Variants in STK32B observed in about 807,000 individuals in gnomAD.
STK32B encodes serine/threonine-protein kinase 32B.
In STK32B, 43 loss-of-function variants were observed where a neutral mutation model predicts 52.6. The observed-to-expected ratio is 0.82, with a 90% confidence interval of 0.64 to 1.05. STK32B has a LOEUF of 1.05. STK32B is among the 50% of genes least tolerant of loss of function. The pLI is 0.00. For synonymous variants in STK32B, 238 were observed against 204.3 expected (o/e 1.17, Z -1.41); for missense variants, 621 against 534.6 (o/e 1.16, Z -1.59).
Position 5,399,774 on chromosome 4 carries a change from C to T in STK32B, c.472+1530C>T, listed in dbSNP as rs191559942. 8.7e-4 allele frequency among the ~76,000 whole-genome samples: 132 copies of T among 152,218 alleles called. No homozygotes were observed. The highest frequency in any genetic ancestry group is 3.1e-3 in the South Asian group (15 of 4,822). On this transcript the variant is annotated intron_variant, in intron 5 of 11. Coordinates refer to ENST00000282908, the MANE Select transcript of STK32B (RefSeq NM_018401.3). This position sits in a 1 kb window ranked among gnomAD's most constrained non-coding sequence, Gnocchi z 5.4. ...TTGCAGGGTGGTGAATGTCTCATCT[C>T]GGGTGAGACTCGAAGGTCAGCCACC...
At chr4:5,278,356 G>T (rs898199788) in intron 3 of STK32B, among the ~76,000 whole-genome samples, 1 of 152,192 alleles carries the variant, frequency 6.6e-6, no homozygotes, top group African/African-American at 2.4e-5. Flanking sequence ...GAGCTGAGCT[G>T]GTCTCAGTTA....
chr4:5,050,081 G>T (rs766878103), upstream of STK32B, among the ~76,000 whole-genome samples: 1 of 152,132 alleles, frequency 6.6e-6, no homozygotes, highest in Admixed American at 6.5e-5. Flanking sequence ...TCCACATTCC[G>T]CCCTATGCTT....
At chr4:5,324,212 G>A (rs1218514970) in intron 3 of STK32B, among the ~76,000 whole-genome samples, 1 of 152,182 alleles carries the variant, frequency 6.6e-6, no homozygotes, top group Non-Finnish European at 1.5e-5. Flanking sequence ...AAGCTAGTCA[G>A]GTGTGGTGGC....
intron 1 of STK32B, among the ~76,000 whole-genome samples, chr4:5,097,868 T>A (rs574825636): frequency 6.6e-6 from 1 of 152,350 alleles, no homozygotes; most frequent in East Asian, 1.9e-4. Flanking sequence ...TTGCTTAATG[T>A]GTCTACAAGT....
chr4:5,208,202 C>T (rs919150220), intron 3 of STK32B, among the ~76,000 whole-genome samples: 5 of 152,202 alleles, frequency 3.3e-5, no homozygotes, highest in African/African-American at 1.2e-4. Context: ...GGAAAGGGAA[C>T]TCAGCCCAGA....
chr4:5,359,932 G>A (rs1455708729), intron 4 of STK32B, among the ~76,000 whole-genome samples: 1 of 152,230 alleles, frequency 6.6e-6, no homozygotes, highest in Non-Finnish European at 1.5e-5. Flanking sequence ...CCAGTTTTCA[G>A]CAGTGAAGAA....
intron 3 of STK32B, among the ~76,000 whole-genome samples, chr4:5,204,412 G>C (rs921870546): frequency 1.3e-4 from 20 of 151,908 alleles, no homozygotes; most frequent in African/African-American, 4.6e-4. Context: ...TTGTTTGTTT[G>C]TTTTTGTTTT....
At chr4:5,336,332 C>CATG (rs1277203016) in intron 4 of STK32B, among the ~76,000 whole-genome samples, 2 of 151,902 alleles carry the variant, frequency 1.3e-5, no homozygotes, top group South Asian at 2.1e-4. Context: ...TTATAGTAAA[C>CATG]AAGCCCTATT....
intron 3 of STK32B, among the ~76,000 whole-genome samples, chr4:5,281,708 T>A (rs1017306280): frequency 2.0e-5 from 3 of 152,226 alleles, no homozygotes; most frequent in Admixed American, 6.5e-5. Flanking sequence ...TGCACCATTG[T>A]ATTAACGCTG....
intron 3 of STK32B, among the ~76,000 whole-genome samples, chr4:5,230,797 G>C (rs1387477995): frequency 1.3e-5 from 2 of 152,134 alleles, no homozygotes; most frequent in Non-Finnish European, 2.9e-5. Flanking sequence ...CGTTACAGAG[G>C]GGAGATGAAT....
chr4:5,175,310 G>T (rs1400258082), intron 3 of STK32B, among the ~76,000 whole-genome samples: 6 of 152,158 alleles, frequency 3.9e-5, no homozygotes, highest in Non-Finnish European at 8.8e-5. Flanking sequence ...ACTCGTCAAA[G>T]TTATTCTCTG....
intron 1 of STK32B, among the ~76,000 whole-genome samples, chr4:5,113,664 T>C (rs1392712262): frequency 6.6e-6 from 1 of 152,172 alleles, no homozygotes; most frequent in Non-Finnish European, 1.5e-5. Context: ...AACTTTGCCC[T>C]CAATATAAGA....
Position 5,388,951 on chromosome 4 carries a change from C to CTGAAT in STK32B, c.435-9254_435-9250dup, listed in dbSNP as rs574763741. On this transcript the variant is annotated intron_variant, in intron 4 of 11. Coordinates refer to ENST00000282908, the MANE Select transcript of STK32B (RefSeq NM_018401.3). The stretch of plus-strand genomic sequence containing the variant: ...CCCATGGAGTGGCACAGCTTTTGAA[C>CTGAAT]TGAATTAATCATTGTCATCCAGGCT... Among the ~76,000 whole-genome samples the CTGAAT allele has an allele frequency of 1.1e-3, 173 of 152,224 alleles. 3 individuals carry two copies. The highest frequency in any genetic ancestry group is 2.7e-3 in the South Asian group (13 of 4,820).
intron 2 of STK32B, among the ~76,000 whole-genome samples, chr4:5,143,531 A>G (rs1211189322): frequency 6.6e-6 from 1 of 152,096 alleles, no homozygotes; most frequent in Non-Finnish European, 1.5e-5. Flanking sequence ...CTTGGATTGT[A>G]TGGGTGAAGA....
chr4:5,187,299 T>C (rs2108759787), intron 3 of STK32B, among the ~76,000 whole-genome samples: 1 of 152,344 alleles, frequency 6.6e-6, no homozygotes, highest in Admixed American at 6.5e-5. Context: ...GAACCAGGAC[T>C]CTCTTGGTCC....
At chr4:5,465,031 G>T (rs1717329966) in intron 9 of STK32B, among the ~76,000 whole-genome samples, 1 of 152,166 alleles carries the variant, frequency 6.6e-6, no homozygotes, top group Non-Finnish European at 1.5e-5. Flanking sequence ...ACAAAGCCCA[G>T]TGCCAGGCAG....
intron 7 of STK32B, among the ~76,000 whole-genome samples, chr4:5,449,019 G>A (rs1715731491): frequency 6.6e-6 from 1 of 152,142 alleles, no homozygotes; most frequent in Admixed American, 6.5e-5. Flanking sequence ...AGGATCCAGG[G>A]AGCTCCTTTC....
intron 3 of STK32B, among the ~76,000 whole-genome samples, chr4:5,308,063 G>T (rs541192822): frequency 2.0e-5 from 3 of 152,220 alleles, no homozygotes; most frequent in South Asian, 4.2e-4. Flanking sequence ...GAGGGTCCTC[G>T]GTTGTATTTT....
chr4:5,424,976 T>C (rs924117647), intron 6 of STK32B, among the ~76,000 whole-genome samples: 4 of 152,158 alleles, frequency 2.6e-5, no homozygotes, highest in African/African-American at 9.7e-5. Context: ...GTGGCCACAG[T>C]GGAAGCCACT....
Sources: allele counts gnomAD v4.1 joint callset (sites outside exome capture counted in the v4.1 genomes callset), GRCh38; gene constraint gnomAD v4.1.1; non-coding constraint Gnocchi (gnomAD v3.1); transcripts MANE v1.5; gene names NCBI Gene and HGNC (gene_info 2026-07-23, HGNC 2026-07-21).